Variants in CARMIL1 observed in about 807,000 individuals in gnomAD.
The protein encoded by CARMIL1 is capping protein regulator and myosin 1 linker 1.
Under a neutral mutation model 177.1 loss-of-function variants are expected in CARMIL1, and 90 were observed. The ratio of observed to expected loss-of-function variants is 0.51; its 90% CI spans 0.43 to 0.61. The LOEUF (loss-of-function observed/expected upper bound fraction) is 0.61. CARMIL1 is among the 20% of genes least tolerant of loss of function. The pLI is 0.00. For missense variants in CARMIL1, 1,380 were observed against 1,667.0 expected (o/e 0.83, Z 3.00); for synonymous variants, 577 against 606.2 (o/e 0.95, Z 0.71).
At chr6:25,487,943 A>G (rs1444690065) in intron 12 of CARMIL1, among the ~76,000 whole-genome samples, 3 of 152,312 alleles carry the variant, frequency 2.0e-5, no homozygotes, top group East Asian at 1.9e-4. Flanking sequence ...TTATGATTGC[A>G]TCTTACATGG....
chr6:25,487,953 G>A (rs530700780), intron 12 of CARMIL1, among the ~76,000 whole-genome samples: 1 of 152,258 alleles, frequency 6.6e-6, no homozygotes, highest in East Asian at 1.9e-4. Context: ...ATCTTACATG[G>A]TATACAGATC....
chr6:25,596,110 C>A (rs967637004), intron 32 of CARMIL1, among the ~76,000 whole-genome samples: 1 of 151,888 alleles, frequency 6.6e-6, no homozygotes, highest in East Asian at 1.9e-4. Flanking sequence ...GATTTTCTCT[C>A]CCGTTAATGC....
chr6:25,411,416 TAAAG>T (rs1235409458), intron 2 of CARMIL1, among the ~76,000 whole-genome samples: 1 of 152,188 alleles, frequency 6.6e-6, no homozygotes, highest in Non-Finnish European at 1.5e-5. Flanking sequence ...GTACTGTCAT[TAAAG>T]AAGACCTATC....
chr6:25,330,747 AC>A (rs1785544871), intron 2 of CARMIL1, among the ~76,000 whole-genome samples: 1 of 151,188 alleles, frequency 6.6e-6, no homozygotes, highest in African/African-American at 2.4e-5. Flanking sequence ...GCCATGATTT[AC>A]CCCCTCATTA....
At chr6:25,381,280 T>A (rs1343744237) in intron 2 of CARMIL1, among the ~76,000 whole-genome samples, 2 of 152,242 alleles carry the variant, frequency 1.3e-5, no homozygotes, top group African/African-American at 4.8e-5. Context: ...TAGAATGTTT[T>A]CCTTTAGACC....
At chr6:25,550,577 G>C (rs1043915238) in intron 26 of CARMIL1, among the ~76,000 whole-genome samples, 3 of 152,080 alleles carry the variant, frequency 2.0e-5, no homozygotes, top group African/African-American at 7.2e-5. Context: ...TGTGGTAAGG[G>C]GGTGTATAAA....
At chr6:25,400,904 C>T (rs1171221212) in intron 2 of CARMIL1, among the ~76,000 whole-genome samples, 1 of 152,140 alleles carries the variant, frequency 6.6e-6, no homozygotes, top group Admixed American at 6.5e-5. Context: ...CAGACTTGCC[C>T]AGACTCATTG....
chr6:25,506,686 G>A (rs1804949040), intron 17 of CARMIL1, among the ~76,000 whole-genome samples: 1 of 152,156 alleles, frequency 6.6e-6, no homozygotes, highest in Admixed American at 6.5e-5. Flanking sequence ...TCTGTCCTTG[G>A]AGAAACCTAT....
chr6:25,517,304 T>C (rs750207855), intron 21 of CARMIL1, 43 bp from the exon 22 acceptor site: 1 of 1,462,152 alleles, frequency 6.8e-7, no homozygotes, highest in Non-Finnish European at 9.6e-7. Context: ...AGAATCATTT[T>C]CTTTAAGTGT....
chr6:25,517,469 G>T, intron 22 of CARMIL1, 54 bp downstream of exon 22: 1 of 1,376,570 alleles, frequency 7.3e-7, no homozygotes, highest in Non-Finnish European at 1.0e-6. Flanking sequence ...AAAACCAATG[G>T]TATATATGTT....
chr6:25,358,541 T>C (rs1349156016), intron 2 of CARMIL1, among the ~76,000 whole-genome samples: 1 of 152,178 alleles, frequency 6.6e-6, no homozygotes, highest in Non-Finnish European at 1.5e-5. Flanking sequence ...TTAAGTAAGA[T>C]GTTTCCTGTT....
At chr6:25,612,972 A>G (rs773535725) in intron 36 of CARMIL1, 19 of 841,810 alleles carry the variant, frequency 2.3e-5, no homozygotes, top group East Asian at 1.2e-4. Flanking sequence ...AGTGAATTCT[A>G]TCGTGGGACT....
At chr6:25,564,534 A>G (rs541061746) in intron 29 of CARMIL1, among the ~76,000 whole-genome samples, 38 of 152,284 alleles carry the variant, frequency 2.5e-4, no homozygotes, top group African/African-American at 8.2e-4. Context: ...TTAAAGTGCA[A>G]TTGTTACAGA....
rs749528876 is a variant in CARMIL1, at chr6:25,488,554, C to T, written c.1034C>T (p.Ser345Leu). 1 of 1,614,030 alleles carries T rather than the reference C, an allele frequency of 6.2e-7. No individual in the cohort carries two copies. Residue 345 changes from serine (S) to leucine (L), a missense_variant, in exon 13 of 37, where the codon TCA becomes TTA. Coordinates refer to ENST00000329474, the MANE Select transcript of CARMIL1 (RefSeq NM_017640.6). ...TCTACCCTTGTCCACCTCGACCTCT[C>T]AGGGAACGTCCTTCGTGGAGATGAC... ...TASTLVHLDLSGNVLRGDDLS... is the reference protein window; with the variant it reads ...TASTLVHLDLLGNVLRGDDLS...
At chr6:25,587,002 C>G (rs1251136119) in intron 31 of CARMIL1, among the ~76,000 whole-genome samples, 4 of 116,174 alleles carry the variant, frequency 3.4e-5, no homozygotes, top group Admixed American at 1.2e-4. Flanking sequence ...ACCGTGGAGA[C>G]AGAGGGAGAG....
intron 25 of CARMIL1, 120 bp from the exon 26 acceptor site, chr6:25,539,827 C>A: frequency 1.3e-6 from 1 of 746,198 alleles, no homozygotes; most frequent in Non-Finnish European, 2.0e-6. Context: ...TGCAAAGAGC[C>A]TTTGACTGAG....
intron 8 of CARMIL1, among the ~76,000 whole-genome samples, chr6:25,464,975 G>T (rs1294940311): frequency 1.4e-5 from 2 of 144,898 alleles, no homozygotes; most frequent in African/African-American, 5.1e-5. Flanking sequence ...CTGTCATGCA[G>T]ATAGCTTCAC....
In CARMIL1 at chr6:25,604,798, C is replaced by G. The variant is rs773131689; in HGVS notation, c.3553-14C>G. 6.4e-7 allele frequency: 1 copy of G among 1,573,170 alleles called. No homozygotes were observed. Among genetic ancestry groups the G allele is most frequent in the African/African-American group, 1.3e-5 (1 of 74,092 alleles). On this transcript the variant is annotated splice_polypyrimidine_tract_variant and intron_variant, in intron 33 of 36. Coordinates refer to ENST00000329474, the MANE Select transcript of CARMIL1 (RefSeq NM_017640.6). ...ATGTGCACTTTTTGGGGGGATGGTG[C>G]TTGAATTTTTTAGAAGCTTGGGAAT...
intron 2 of CARMIL1, among the ~76,000 whole-genome samples, chr6:25,369,025 A>G (rs956303401): frequency 6.6e-6 from 1 of 152,252 alleles, no homozygotes; most frequent in African/African-American, 2.4e-5. Context: ...AACCCCTTAC[A>G]TGATTAGATC....
Sources: allele counts gnomAD v4.1 joint callset (sites outside exome capture counted in the v4.1 genomes callset), GRCh38; gene constraint gnomAD v4.1.1; transcripts MANE v1.5; gene names NCBI Gene and HGNC (gene_info 2026-07-23, HGNC 2026-07-21).